Variants in NDC1 observed in about 807,000 individuals in gnomAD.
The protein encoded by NDC1 is NDC1 transmembrane nucleoporin, also known as nucleoporin NDC1.
A neutral mutation model predicts 89.8 loss-of-function variants in NDC1; 24 were observed. The ratio of observed to expected loss-of-function variants is 0.27; its 90% CI spans 0.19 to 0.38. NDC1 has a LOEUF of 0.38. NDC1 is among the 10% of genes least tolerant of loss of function. NDC1 has a pLI of 1.00. For synonymous variants in NDC1, 296 were observed against 284.8 expected (o/e 1.04, Z -0.39); for missense variants, 728 against 797.6 (o/e 0.91, Z 1.05).
intron 5 of NDC1, among the ~76,000 whole-genome samples, chr1:53,819,377 T>C (rs539061087): frequency 1.3e-5 from 2 of 152,318 alleles, no homozygotes; most frequent in African/African-American, 2.4e-5. Flanking sequence ...ACAGTAACAA[T>C]AGCAGCTAAC....
intron 3 of NDC1, 51 bp from the exon 4 acceptor site, chr1:53,828,224 T>TA (rs769117923): frequency 2.6e-6 from 4 of 1,545,620 alleles, no homozygotes; most frequent in African/African-American, 2.7e-5. Context: ...CATATGCAGT[T>TA]AGAGGATCTA....
Position 53,821,447 on chromosome 1 carries a change from AAAAC to A in NDC1, c.595-2372_595-2369del, listed in dbSNP as rs539781011. On this transcript the variant is annotated intron_variant, in intron 5 of 17. Coordinates refer to ENST00000371429, the MANE Select transcript of NDC1 (RefSeq NM_018087.5). ...GACAGAGCGAGACTGTCTCAAAAAG[AAAAC>A]AAACAAACAAAAAGTAGCCCATATA... Among the ~76,000 whole-genome samples, 304 of 152,296 alleles carry A rather than the reference AAAAC, an allele frequency of 2.0e-3. 2 individuals are homozygous for A. The South Asian group carries it at 0.032, about 16-fold the overall frequency.
chr1:53,771,907 T>A (rs1647116044), intron 17 of NDC1, among the ~76,000 whole-genome samples: 1 of 152,160 alleles, frequency 6.6e-6, no homozygotes. Context: ...CCAGCATGAA[T>A]CACAAAGCAC....
At chr1:53,814,211 C>T (rs1209027498) in intron 6 of NDC1, among the ~76,000 whole-genome samples, 5 of 152,086 alleles carry the variant, frequency 3.3e-5, no homozygotes, top group South Asian at 2.1e-4. Flanking sequence ...AAAATGTAGC[C>T]GGGCGTGGTG....
intron 3 of NDC1, among the ~76,000 whole-genome samples, chr1:53,830,244 G>A (rs1454616507): frequency 3.3e-5 from 5 of 149,602 alleles, no homozygotes; most frequent in South Asian, 2.1e-4. Context: ...ACTTGAGGTC[G>A]GGAGTTCGAG....
chr1:53,789,339 T>G, intron 14 of NDC1, 143 bp from the exon 15 acceptor site: 2 of 589,598 alleles, frequency 3.4e-6, no homozygotes, highest in Non-Finnish European at 6.0e-6. Flanking sequence ...TCTTTTATAT[T>G]TAACTTGATA....
chr1:53,784,928 A>G (rs150800556), intron 16 of NDC1, among the ~76,000 whole-genome samples: 2,557 of 151,888 alleles, frequency 0.017, 67 homozygotes, highest in African/African-American at 0.059. Flanking sequence ...ACTGCACTCC[A>G]GCCTGGGCAA....
chr1:53,811,959 G>T (rs988157614), intron 6 of NDC1, among the ~76,000 whole-genome samples: 3 of 152,134 alleles, frequency 2.0e-5, no homozygotes, highest in African/African-American at 7.2e-5. Flanking sequence ...CCCAGTATCA[G>T]CCCAGAGACA....
chr1:53,817,798 T>A (rs773067080), intron 6 of NDC1, among the ~76,000 whole-genome samples: 12 of 152,124 alleles, frequency 7.9e-5, no homozygotes, highest in Non-Finnish European at 1.5e-4. Context: ...TATATATCCA[T>A]AGAAAATATA....
chr1:53,807,631 AG>A (rs759170460), intron 8 of NDC1, 24 bp downstream of exon 8: 2 of 1,584,294 alleles, frequency 1.3e-6, no homozygotes, highest in South Asian at 2.3e-5. Context: ...AAAAGTATTA[AG>A]AAAAAATATT....
chr1:53,781,515 C>G (rs762538106), intron 16 of NDC1, among the ~76,000 whole-genome samples: 1 of 152,190 alleles, frequency 6.6e-6, no homozygotes, highest in African/African-American at 2.4e-5. Flanking sequence ...ACTCCTTGCC[C>G]TCTGAATACT....
At chr1:53,815,093 T>C (rs1413450877) in intron 6 of NDC1, among the ~76,000 whole-genome samples, 2 of 152,182 alleles carry the variant, frequency 1.3e-5, no homozygotes, top group African/African-American at 4.8e-5. Context: ...CCCTCCCTAA[T>C]TCATTTTATG....
At chr1:53,776,509 TTAAA>T (rs1276648459) in intron 16 of NDC1, among the ~76,000 whole-genome samples, 3 of 152,236 alleles carry the variant, frequency 2.0e-5, no homozygotes, top group Admixed American at 6.5e-5. Context: ...AAATACTGGG[TTAAA>T]TAAACTGTAC....
In NDC1 at chr1:53,767,820, T is replaced by C; in HGVS notation, c.*150A>G. The C allele has an allele frequency of 2.2e-6, 1 of 449,456 alleles. No individual in the cohort carries two copies. Among genetic ancestry groups the C allele is most frequent in the African/African-American group, 2.0e-5 (1 of 49,600 alleles). The allele number at this position is 449,456 out of a possible 1,614,324, so 27.8% of individuals were successfully genotyped here. A position where few individuals can be genotyped will look rare whatever the true frequency, so the allele number is the denominator to read the frequency against. ...CTGTTGAGAATTTCTTTCCATGATTTCTCCCATTAAAGTATAGTTTTCAAA... is the reference window on the plus strand; with the variant it reads ...CTGTTGAGAATTTCTTTCCATGATTCCTCCCATTAAAGTATAGTTTTCAAA... On this transcript the variant is annotated 3_prime_UTR_variant, in exon 18 of 18. Coordinates refer to ENST00000371429, the MANE Select transcript of NDC1 (RefSeq NM_018087.5).
rs1282940273 is a variant in NDC1 at position 53,772,243 on chromosome 1, C to T, written c.1961+86G>A. The T allele has an allele frequency of 2.5e-6, 3 of 1,185,780 alleles. No individual in the cohort carries two copies. The African/African-American group carries it at 4.5e-5, about 18-fold the overall frequency. The allele number at this position is 1,185,780 out of a possible 1,614,324, so 73.5% of individuals were successfully genotyped here. A position where few individuals can be genotyped will look rare whatever the true frequency, so the allele number is the denominator to read the frequency against. On this transcript the variant is annotated intron_variant, in intron 17 of 17. Coordinates refer to ENST00000371429, the MANE Select transcript of NDC1 (RefSeq NM_018087.5). ...CAAGGTCCCAAAAGAACACTTTCAA[C>T]ACATGAGCCTTATCATTCCCATACC...
At chr1:53,820,692 C>T (rs1224267813) in intron 5 of NDC1, among the ~76,000 whole-genome samples, 1 of 143,778 alleles carries the variant, frequency 7.0e-6, no homozygotes, top group East Asian at 2.0e-4. Flanking sequence ...AAAAGATGTA[C>T]TTCTCTCTCT....
At chr1:53,770,617 A>G (rs1647104586) in intron 17 of NDC1, among the ~76,000 whole-genome samples, 1 of 149,898 alleles carries the variant, frequency 6.7e-6, no homozygotes, top group African/African-American at 2.5e-5. Flanking sequence ...CATTCTCATA[A>G]TCCATTCTCA....
chr1:53,778,289 ACACACACT>A (rs1002864301), intron 16 of NDC1, among the ~76,000 whole-genome samples: 2 of 150,364 alleles, frequency 1.3e-5, no homozygotes, highest in African/African-American at 4.9e-5. Context: ...ACACACACAC[ACACACACT>A]GTCACATTTT....
chr1:53,814,188 C>T (rs528405291), intron 6 of NDC1, among the ~76,000 whole-genome samples: 5 of 152,024 alleles, frequency 3.3e-5, no homozygotes, highest in Non-Finnish European at 7.4e-5. Flanking sequence ...CCCGTCTCTA[C>T]TAAAAATACA....
Sources: gnomAD v4.1 joint callset for allele counts (sites outside exome capture counted in the v4.1 genomes callset) on GRCh38, gnomAD v4.1.1 for gene constraint, MANE v1.5 for transcripts, NCBI Gene and HGNC (gene_info 2026-07-23, HGNC 2026-07-21) for gene names.